Variants in SLAIN2 observed in about 807,000 individuals in gnomAD.
SLAIN2 encodes the protein SLAIN family member 2, also known as SLAIN motif-containing protein 2.
Under a neutral mutation model 56.6 loss-of-function variants are expected in SLAIN2, and 31 were observed. The ratio of observed to expected loss-of-function variants is 0.55; its 90% CI spans 0.41 to 0.74. The LOEUF (loss-of-function observed/expected upper bound fraction) is 0.74. Ranked by LOEUF, SLAIN2 falls within the 30% of genes least tolerant of loss-of-function variation. The pLI is 0.00. For synonymous variants in SLAIN2, 317 were observed against 284.9 expected (o/e 1.11, Z -1.13); for missense variants, 777 against 754.2 (o/e 1.03, Z -0.35).
intron 6 of SLAIN2, among the ~76,000 whole-genome samples, chr4:48,419,109 C>CTT (rs71191227): frequency 0.011 from 1,687 of 147,220 alleles, 7 homozygotes; most frequent in East Asian, 0.028. Flanking sequence ...TTCTGTTTTC[C>CTT]TTTTTTTTTT....
intron 1 of SLAIN2, among the ~76,000 whole-genome samples, chr4:48,342,444 G>A (rs1438256259): frequency 1.3e-5 from 2 of 152,200 alleles, no homozygotes; most frequent in African/African-American, 2.4e-5. Context: ...GTGGGAAACT[G>A]CTTTGTAGGC....
rs1334717534 is a variant in SLAIN2, at chr4:48,424,128, C to A, written c.*2051C>A. ...TAACTTTGTTTTTAAATGGCTGCAT[C>A]AGAAAAAAATGTCTATTTTTTTTTA... On this transcript the variant is annotated 3_prime_UTR_variant, in exon 8 of 8. Transcript: ENST00000264313. 2.0e-5 allele frequency: 3 copies of A among 151,930 alleles called. No individual in the cohort carries two copies. The highest frequency in any genetic ancestry group is 7.2e-5 in the African/African-American group (3 of 41,390). The allele number at this position is 151,930 out of a possible 1,614,324, so 9.4% of individuals were successfully genotyped here.
chr4:48,397,783 A>G (rs1222776917), intron 6 of SLAIN2, among the ~76,000 whole-genome samples: 1 of 152,030 alleles, frequency 6.6e-6, no homozygotes. Context: ...GCATTAGTTT[A>G]TTGAGAATAA....
chr4:48,410,995 T>C (rs548564052), intron 6 of SLAIN2, among the ~76,000 whole-genome samples: 46 of 152,264 alleles, frequency 3.0e-4, no homozygotes, highest in African/African-American at 1.1e-3. Context: ...CCTCTTCCAT[T>C]GCTGACCCAT....
chr4:48,420,624 C>T, intron 7 of SLAIN2, 181 bp downstream of exon 7: 3 of 772,284 alleles, frequency 3.9e-6, no homozygotes, highest in Non-Finnish European at 6.0e-6. Context: ...TCATTTGGGA[C>T]TTTTACCAGT....
In SLAIN2 at chr4:48,341,908, C is replaced by T. The variant is rs929716801; in HGVS notation, c.169C>T (p.Pro57Ser). 279 of 1,508,650 alleles carry T rather than the reference C, an allele frequency of 1.8e-4. No homozygotes were observed. The highest frequency in any genetic ancestry group is 2.4e-4 in the Non-Finnish European group (267 of 1,130,240). The allele number at this position is 1,508,650 out of a possible 1,614,324, so 93.5% of individuals were successfully genotyped here. A position where few individuals can be genotyped will look rare whatever the true frequency, so the allele number is the denominator to read the frequency against. Residue 57 changes from proline (P) to serine (S), a missense_variant, in exon 1 of 8, where the codon CCC becomes TCC. Coordinates refer to ENST00000264313, the MANE Select transcript of SLAIN2 (RefSeq NM_020846.2). ...CCCGGTTCGGGCCGGCGCGTCCATT[C>T]CCTCCTCCGGCGCGGCGTCTCCTCG... is the stretch of plus-strand genomic sequence containing the variant. The part of the protein sequence containing the change: ...GSPVRAGASI[P>S]SSGAASPRGF...
At chr4:48,376,929 T>C (rs1715832540) in intron 2 of SLAIN2, among the ~76,000 whole-genome samples, 1 of 150,532 alleles carries the variant, frequency 6.6e-6, no homozygotes, top group South Asian at 2.1e-4. Flanking sequence ...TTTTTTTTTT[T>C]TTTTTAAGGA....
intron 4 of SLAIN2, among the ~76,000 whole-genome samples, chr4:48,381,168 T>C (rs559918988): frequency 1.3e-5 from 2 of 152,300 alleles, no homozygotes; most frequent in East Asian, 3.9e-4. Context: ...GCTTTTTAGA[T>C]CCTAGTATTT....
intron 1 of SLAIN2, among the ~76,000 whole-genome samples, chr4:48,348,639 G>T (rs1191824215): frequency 6.7e-6 from 1 of 148,464 alleles, no homozygotes; most frequent in Admixed American, 6.8e-5. Context: ...GCAGTGAGCT[G>T]AGATCACGCC....
At chr4:48,358,235 A>G (rs1715215084) in intron 1 of SLAIN2, among the ~76,000 whole-genome samples, 1 of 152,106 alleles carries the variant, frequency 6.6e-6, no homozygotes, top group Non-Finnish European at 1.5e-5. Flanking sequence ...GAGTTACTAT[A>G]TTTAAAACAC....
In SLAIN2 at chr4:48,383,775, G is replaced by A. The variant is rs1471643509; in HGVS notation, c.1351G>A (p.Ala451Thr). Residue 451 changes from alanine (A) to threonine (T), a missense_variant, in exon 6 of 8, where the codon GCT becomes ACT. Transcript: ENST00000264313. ...NGGIPRMQPQ[A>T]SAIPSPGKFR... is the part of the protein sequence containing the mutation. ...AGGAATACCTCGTATGCAACCTCAG[G>A]CTTCAGCCAGTAAGTATCCTTCTTA... is the stretch of plus-strand genomic sequence containing the variant. 6.2e-7 allele frequency: 1 copy of A among 1,611,526 alleles called. No individual in the cohort carries two copies. The highest frequency in any genetic ancestry group is 1.1e-5 in the South Asian group (1 of 90,644).
chr4:48,345,487 T>G (rs948271815), intron 1 of SLAIN2, among the ~76,000 whole-genome samples: 1 of 152,128 alleles, frequency 6.6e-6, no homozygotes, highest in Non-Finnish European at 1.5e-5. Context: ...GTGGTGGGTG[T>G]GAATCAAATG....
Position 48,383,763 on chromosome 4 carries a change from A to G in SLAIN2, c.1339A>G (p.Met447Val). Reference sequence around the variant, plus strand: ...AGTGCCAAACGGAGGAATACCTCGTATGCAACCTCAGGCTTCAGCCAGTAA... The same window carrying G: ...AGTGCCAAACGGAGGAATACCTCGTGTGCAACCTCAGGCTTCAGCCAGTAA... ...FQVPNGGIPR[M>V]QPQASAIPSP... The change falls in exon 6 of 8, where the codon ATG becomes GTG. Residue 447 changes from methionine to valine, a missense_variant. Met to Val is a conservative substitution (Grantham distance 21). Transcript: ENST00000264313. 2 of 1,612,202 alleles carry G rather than the reference A, an allele frequency of 1.2e-6. No individual in the cohort carries two copies. The highest frequency in any genetic ancestry group is 8.5e-7 in the Non-Finnish European group (1 of 1,178,784).
chr4:48,414,329 A>C (rs1236741856), intron 6 of SLAIN2, among the ~76,000 whole-genome samples: 5 of 152,174 alleles, frequency 3.3e-5, no homozygotes, highest in Non-Finnish European at 7.4e-5. Context: ...ATTGTTGAAT[A>C]TCCATCTAGG....
In SLAIN2 at chr4:48,382,614, T is replaced by C. The variant is rs756904108; in HGVS notation, c.909T>C (p.Gly303=). 6.2e-7 allele frequency: 1 copy of C among 1,610,882 alleles called. No individual in the cohort carries two copies. The highest frequency in any genetic ancestry group is 1.7e-5 in the Admixed American group (1 of 59,964). The stretch of plus-strand genomic sequence containing the variant: ...CCACCACGTCTCGGCGCAGTTCTGG[T>C]TCATCTTGCAATTCTACAAGACGGG... ...YAATTSRRSS[G]SSCNSTRRGT... The change falls in exon 5 of 8, where the codon GGT becomes GGC. Residue 303 remains glycine (G), a synonymous_variant. Transcript: ENST00000264313.
Position 48,406,402 on chromosome 4 carries a change from GAA to G in SLAIN2, c.1361-13722_1361-13721del, listed in dbSNP as rs1194323013. On this transcript the variant is annotated intron_variant, in intron 6 of 7. Coordinates refer to ENST00000264313, the MANE Select transcript of SLAIN2 (RefSeq NM_020846.2). ...TATTTCTTAGCAACACATAGAATTAGAATATCATAATAATTTGTTTTGTCCCA... is the reference window on the plus strand; with the variant it reads ...TATTTCTTAGCAACACATAGAATTAGTATCATAATAATTTGTTTTGTCCCA... 8.7e-4 allele frequency among the ~76,000 whole-genome samples: 133 copies of G among 152,092 alleles called. 1 individual carries two copies. Among genetic ancestry groups the G allele is most frequent in the African/African-American group, 3.0e-3 (123 of 41,480 alleles).
At chr4:48,344,386 C>T (rs1008444290) in intron 1 of SLAIN2, among the ~76,000 whole-genome samples, 3 of 152,082 alleles carry the variant, frequency 2.0e-5, no homozygotes, top group African/African-American at 7.2e-5. Flanking sequence ...GCTATTGCAC[C>T]TTCCTTTTCA....
chr4:48,424,271 T>G lies in SLAIN2; in HGVS notation c.*2194T>G, dbSNP rs1189243747. 2 of 152,164 alleles carry G rather than the reference T, an allele frequency of 1.3e-5. No homozygotes were observed. Among genetic ancestry groups the G allele is most frequent in the African/African-American group, 2.4e-5 (1 of 41,444 alleles). The allele number at this position is 152,164 out of a possible 1,614,324, so 9.4% of individuals were successfully genotyped here. A position where few individuals can be genotyped will look rare whatever the true frequency, so the allele number is the denominator to read the frequency against. On this transcript the variant is annotated 3_prime_UTR_variant, in exon 8 of 8. Transcript: ENST00000264313. ...CTTTTAGTTTCTTAAAGAGAAAAAT[T>G]GCCTTTTTACTAGAAAGCCTTTGTA...
chr4:48,359,318 A>C (rs1337447063), intron 1 of SLAIN2, among the ~76,000 whole-genome samples: 1 of 152,180 alleles, frequency 6.6e-6, no homozygotes, highest in Non-Finnish European at 1.5e-5. Flanking sequence ...TAAAAGTCTG[A>C]TTATTTTCCT....
Sources: gnomAD v4.1 joint callset for allele counts (sites outside exome capture counted in the v4.1 genomes callset) on GRCh38, gnomAD v4.1.1 for gene constraint, MANE v1.5 for transcripts, NCBI Gene and HGNC (gene_info 2026-07-23, HGNC 2026-07-21) for gene names.